SNX29: variants seen among roughly 807,000 people sequenced by gnomAD.
SNX29 encodes the protein sorting nexin 29, also known as sorting nexin-29.
A neutral mutation model predicts 102.1 loss-of-function variants in SNX29; 78 were observed. The observed-to-expected ratio is 0.76, with a 90% confidence interval of 0.64 to 0.92. SNX29 has a LOEUF of 0.92. SNX29 is among the 40% of genes least tolerant of loss of function. The pLI, the probability that SNX29 is intolerant of heterozygous loss-of-function variation, is 0.00. For synonymous variants in SNX29, 580 were observed against 414.5 expected (o/e 1.40, Z -4.85); for missense variants, 1,280 against 1,061.7 (o/e 1.21, Z -2.86).
At chr16:12,293,635 A>G (rs886718942) in intron 15 of SNX29, among the ~76,000 whole-genome samples, 4 of 152,250 alleles carry the variant, frequency 2.6e-5, no homozygotes, top group Admixed American at 2.6e-4. Context: ...TATTTAGCTC[A>G]ACTAATAGCG....
chr16:12,420,817 T>C (rs1269742095), intron 18 of SNX29, among the ~76,000 whole-genome samples: 1 of 152,106 alleles, frequency 6.6e-6, no homozygotes, highest in Non-Finnish European at 1.5e-5. Context: ...GGGTGAACAC[T>C]GATAGTCTCG....
intron 15 of SNX29, among the ~76,000 whole-genome samples, chr16:12,329,849 G>C (rs158476): frequency 0.98 from 148,528 of 152,300 alleles, 72,552 homozygotes; most frequent in Middle Eastern, 1. Flanking sequence ...AAAGATCACT[G>C]TTCCTCTTTG....
intron 18 of SNX29, among the ~76,000 whole-genome samples, chr16:12,473,383 G>C (rs2087448211): frequency 6.6e-6 from 1 of 152,202 alleles, no homozygotes; most frequent in Admixed American, 6.5e-5. Flanking sequence ...CTGACAGCAA[G>C]GAGACCTTTC....
chr16:12,238,991 C>G (rs115673154), intron 14 of SNX29, among the ~76,000 whole-genome samples: 4 of 152,212 alleles, frequency 2.6e-5, no homozygotes, highest in Admixed American at 2.0e-4. Context: ...GACTCTCCCC[C>G]GCTAACTGTC....
intron 14 of SNX29, among the ~76,000 whole-genome samples, chr16:12,276,591 G>C (rs1596726426): frequency 6.6e-6 from 1 of 152,226 alleles, no homozygotes; most frequent in African/African-American, 2.4e-5. Context: ...GGCATCCAAG[G>C]GATTTCTTGT....
At chr16:12,003,181 C>A in intron 3 of SNX29, 138 bp downstream of exon 3, 1 of 1,004,972 alleles carries the variant, frequency 1.0e-6, no homozygotes, top group Non-Finnish European at 1.6e-6. Context: ...CCTCTGCAGC[C>A]AAGAGGTGCA....
chr16:12,016,434 C>G (rs1363293836), intron 3 of SNX29, among the ~76,000 whole-genome samples: 1 of 152,134 alleles, frequency 6.6e-6, no homozygotes, highest in Non-Finnish European at 1.5e-5. Flanking sequence ...TTCTTTCTTG[C>G]CAACAATAAT....
At chr16:12,122,726 G>A (rs573297467) in intron 11 of SNX29, among the ~76,000 whole-genome samples, 29 of 152,126 alleles carry the variant, frequency 1.9e-4, no homozygotes, top group Non-Finnish European at 3.5e-4. Flanking sequence ...GGTGGAAGCG[G>A]TGACTGAACC....
chr16:12,145,185 C>G (rs2055015208), intron 13 of SNX29, among the ~76,000 whole-genome samples: 1 of 149,964 alleles, frequency 6.7e-6, no homozygotes, highest in African/African-American at 2.4e-5. Flanking sequence ...CTTGAGGGAA[C>G]TCTTGTTTTC....
chr16:12,196,795 A>G (rs1301526085), intron 13 of SNX29, among the ~76,000 whole-genome samples: 4 of 151,286 alleles, frequency 2.6e-5, no homozygotes, highest in Non-Finnish European at 5.9e-5. Context: ...TAATTTTTGT[A>G]TTTTCAGTAG....
chr16:11,996,052 T>G (rs1046786407), intron 1 of SNX29, among the ~76,000 whole-genome samples: 1 of 142,168 alleles, frequency 7.0e-6, no homozygotes, highest in African/African-American at 2.7e-5. Flanking sequence ...ACAGCAACAC[T>G]CCGTCTCAGA....
intron 18 of SNX29, among the ~76,000 whole-genome samples, chr16:12,473,495 C>A (rs142267609): frequency 5.1e-4 from 77 of 152,278 alleles, no homozygotes; most frequent in African/African-American, 1.8e-3. Flanking sequence ...TTCCTGGTGC[C>A]TTCAGGATTC....
chr16:12,571,682 C>CT lies in SNX29; in HGVS notation c.*3054dup. On this transcript the variant is annotated 3_prime_UTR_variant, in exon 21 of 21. Coordinates refer to ENST00000566228, the MANE Select transcript of SNX29 (RefSeq NM_032167.5). ...ACGGTAGGGCTGGGCAGAGGTGTCT[C>CT]TCCTTGAGAGACAACAAAAGCTTCT... The CT allele has an allele frequency of 9.4e-7, 1 of 1,059,664 alleles. No homozygotes were observed. Among genetic ancestry groups the CT allele is most frequent in the Non-Finnish European group, 1.1e-6 (1 of 876,306 alleles). The allele number at this position is 1,059,664 out of a possible 1,614,324, so 65.6% of individuals were successfully genotyped here. A position where few individuals can be genotyped will look rare whatever the true frequency, so the allele number is the denominator to read the frequency against.
At chr16:12,010,482 C>G (rs2056610424) in intron 3 of SNX29, among the ~76,000 whole-genome samples, 1 of 152,058 alleles carries the variant, frequency 6.6e-6, no homozygotes, top group South Asian at 2.1e-4. Flanking sequence ...ATTAGCTAGC[C>G]AGGTGCGGTG....
At chr16:12,433,630 CAA>C (rs1235730528) in intron 18 of SNX29, among the ~76,000 whole-genome samples, 3 of 55,336 alleles carry the variant, frequency 5.4e-5, no homozygotes, top group South Asian at 7.0e-4. Context: ...GACTGCGTCT[CAA>C]AAAAAAAAAA....
At chr16:12,311,809 A>T (rs1596860351) in intron 15 of SNX29, among the ~76,000 whole-genome samples, 2 of 152,344 alleles carry the variant, frequency 1.3e-5, no homozygotes, top group Admixed American at 1.3e-4. Flanking sequence ...TGGCAGCCTA[A>T]AACTGGGGCT....
At chr16:12,515,285 C>A (rs965019018) in intron 19 of SNX29, among the ~76,000 whole-genome samples, 1 of 152,122 alleles carries the variant, frequency 6.6e-6, no homozygotes, top group African/African-American at 2.4e-5. Context: ...GTAAGTTCCA[C>A]GAAGGCGGGA....
chr16:12,078,713 C>G, intron 10 of SNX29, 120 bp from the exon 11 acceptor site: 2 of 805,288 alleles, frequency 2.5e-6, no homozygotes, highest in Non-Finnish European at 2.1e-6. Context: ...TTTCCAATGA[C>G]TGCCTCTATC....
chr16:12,466,013 A>G lies in SNX29; in HGVS notation c.2038-11706A>G, dbSNP rs534188396. 5.3e-5 allele frequency among the ~76,000 whole-genome samples: 8 copies of G among 152,332 alleles called. No homozygotes were observed. In the South Asian group the frequency reaches 1.0e-3, roughly 20 times the overall value. ...ATGTACCTCAGCATAAGAAAACTGTATGTGACAAGCCTACAGCTAACATCA... is the reference window on the plus strand; with the variant it reads ...ATGTACCTCAGCATAAGAAAACTGTGTGTGACAAGCCTACAGCTAACATCA... On this transcript the variant is annotated intron_variant, in intron 18 of 20. Transcript: ENST00000566228.
Sources: gnomAD v4.1 joint callset for allele counts (sites outside exome capture counted in the v4.1 genomes callset) on GRCh38, gnomAD v4.1.1 for gene constraint, MANE v1.5 for transcripts, NCBI Gene and HGNC (gene_info 2026-07-23, HGNC 2026-07-21) for gene names.